Variants in JAKMIP1 observed in about 807,000 individuals in gnomAD.
JAKMIP1 encodes janus kinase and microtubule interacting protein 1.
Under a neutral mutation model 113.0 loss-of-function variants are expected in JAKMIP1, and 33 were observed. The ratio of observed to expected loss-of-function variants is 0.29; its 90% CI spans 0.22 to 0.39. The LOEUF (loss-of-function observed/expected upper bound fraction) is 0.39. Among genes scored for constraint, JAKMIP1 ranks in the 10% least tolerant of loss-of-function variants. JAKMIP1 has a pLI of 1.00. For missense variants in JAKMIP1, 813 were observed against 1,080.5 expected, an observed-to-expected ratio of 0.75 and a Z score of 3.47; for synonymous variants, 480 against 459.9, an observed-to-expected ratio of 1.04 and a Z score of -0.56.
At chr4:6,079,118 C>G in intron 7 of JAKMIP1, 120 bp from the exon 8 acceptor site, 1 of 951,972 alleles carries the variant, frequency 1.1e-6, no homozygotes. Flanking sequence ...AGTTGAAGTT[C>G]TAAGTGCCCA....
At position 6,131,173 on chromosome 4, in the gene JAKMIP1, A is replaced by AAAAAAAAAAAAAAAAAAAG. The variant is rs71173409; in HGVS notation, c.-147-18177_-147-18176insCTTTTTTTTTTTTTTTTTT. On this transcript the variant is annotated intron_variant, in intron 1 of 20. Coordinates refer to ENST00000409021, the MANE Select transcript of JAKMIP1 (RefSeq NM_001099433.2). The stretch of plus-strand genomic sequence containing the variant: ...TAAGACCTTGCCTCCAAAAAAAAAA[A>AAAAAAAAAAAAAAAAAAAG]AATATCCCAGGACTATAAGACAACT... Among the ~76,000 whole-genome samples, 12 of 95,490 alleles carry AAAAAAAAAAAAAAAAAAAG rather than the reference A, an allele frequency of 1.3e-4. 1 individual carries two copies. The highest frequency in any genetic ancestry group is 3.6e-4 in the East Asian group (1 of 2,754). The allele number at this position is 95,490 out of a possible 152,430, so 62.6% of individuals were successfully genotyped here.
At chr4:6,062,269 G>T in intron 10 of JAKMIP1, 43 bp downstream of exon 10, 1 of 1,608,190 alleles carries the variant, frequency 6.2e-7, no homozygotes, top group Non-Finnish European at 8.5e-7. Flanking sequence ...ACATGACCTG[G>T]CCTTCGGCCC....
intron 5 of JAKMIP1, among the ~76,000 whole-genome samples, chr4:6,082,240 C>T (rs1274932394): frequency 6.6e-6 from 1 of 151,912 alleles, no homozygotes; most frequent in South Asian, 2.1e-4. Flanking sequence ...AAGATTCAAA[C>T]ACAAGGGACT....
chr4:6,105,404 C>T (rs764281612), intron 3 of JAKMIP1, 69 bp downstream of exon 3: 11 of 1,444,312 alleles, frequency 7.6e-6, no homozygotes, highest in East Asian at 2.3e-5. Flanking sequence ...CTCGGAGCTC[C>T]GCATTTCCCC....
Position 6,154,583 on chromosome 4 carries a change from C to A in JAKMIP1, c.-147-41586G>T, listed in dbSNP as rs1169206183. Among the ~76,000 whole-genome samples, 1 of 152,054 alleles carries A rather than the reference C, an allele frequency of 6.6e-6. No individual in the cohort carries two copies. Among genetic ancestry groups the A allele is most frequent in the Non-Finnish European group, 1.5e-5 (1 of 68,002 alleles). ...AAAGGCAATACCGAAAAGGCAGACA[C>A]CAAGAAACTTAGCAAGGCTTCCAAG... On this transcript the variant is annotated intron_variant, in intron 1 of 20. Transcript: ENST00000409021. This position sits in a 1 kb window ranked among gnomAD's most constrained non-coding sequence, Gnocchi z 4.2.
intron 8 of JAKMIP1, among the ~76,000 whole-genome samples, chr4:6,075,066 G>C (rs181042012): frequency 3.9e-5 from 6 of 152,212 alleles, no homozygotes; most frequent in African/African-American, 1.2e-4. Flanking sequence ...GTATTGTTTA[G>C]TGAATAATGA....
chr4:6,197,007 T>G lies in JAKMIP1; in HGVS notation c.-148+3246A>C, dbSNP rs1033200666. Among the ~76,000 whole-genome samples the G allele has an allele frequency of 2.0e-5, 3 of 152,044 alleles. No individual in the cohort carries two copies. Among genetic ancestry groups the G allele is most frequent in the African/African-American group, 7.2e-5 (3 of 41,394 alleles). Reference sequence around the variant, plus strand: ...GGAGTCAGGGAGCCCCACTTCTGAGTCCCCCAGTGTCCTGAGACTTGGCTC... The same window carrying G: ...GGAGTCAGGGAGCCCCACTTCTGAGGCCCCCAGTGTCCTGAGACTTGGCTC... On this transcript the variant is annotated intron_variant, in intron 1 of 20. Coordinates refer to ENST00000409021, the MANE Select transcript of JAKMIP1 (RefSeq NM_001099433.2). This position sits in a 1 kb window ranked among gnomAD's most constrained non-coding sequence, Gnocchi z 6.5.
Position 6,102,780 on chromosome 4 carries a change from C to A in JAKMIP1, c.624+2693G>T, listed in dbSNP as rs569294412. Among the ~76,000 whole-genome samples the A allele has an allele frequency of 5.0e-3, 566 of 113,676 alleles. 1 individual carries two copies. The highest frequency in any genetic ancestry group is 0.018 in the African/African-American group (526 of 29,480). 74.6% of individuals were successfully genotyped at this position (113,676 alleles called of 152,430 possible). ...AGGGAGTCTCACTCTGTCGCCCAGG[C>A]TGGAGTGCAGTGGCGCGATCTCAGC... On this transcript the variant is annotated intron_variant, in intron 3 of 20. Transcript: ENST00000409021.
intron 18 of JAKMIP1, among the ~76,000 whole-genome samples, chr4:6,039,468 G>A (rs988115636): frequency 6.6e-6 from 1 of 152,068 alleles, no homozygotes; most frequent in African/African-American, 2.4e-5. Flanking sequence ...ATTCCTTGGA[G>A]TTTTTTTGGA....
rs79239911 is a variant in JAKMIP1 at position 6,064,713 on chromosome 4, C to T, written c.1431+167G>A. Among the ~76,000 whole-genome samples, 2 of 151,994 alleles carry T rather than the reference C, an allele frequency of 1.3e-5. No individual in the cohort carries two copies. The highest frequency in any genetic ancestry group is 4.8e-5 in the African/African-American group (2 of 41,340). On this transcript the variant is annotated intron_variant, in intron 9 of 20. Transcript: ENST00000409021. This position sits in a 1 kb window ranked among gnomAD's most constrained non-coding sequence, Gnocchi z 4.3. ...ATTCATGGAGCCCACAGCTGTGGGG[C>T]CCGCCTTCCCTTCACACCATTGGCT...
intron 3 of JAKMIP1, among the ~76,000 whole-genome samples, chr4:6,102,234 T>C (rs1265703911): frequency 6.6e-6 from 1 of 152,248 alleles, no homozygotes; most frequent in Admixed American, 6.5e-5. Flanking sequence ...ACCTTGTATA[T>C]GTAGACTTTG....
Position 6,140,946 on chromosome 4 carries a change from A to C in JAKMIP1, c.-147-27949T>G, listed in dbSNP as rs565727569. Among the ~76,000 whole-genome samples the C allele has an allele frequency of 2.9e-3, 442 of 152,270 alleles. 4 individuals are homozygous for C. The highest frequency in any genetic ancestry group is 0.01 in the African/African-American group (419 of 41,514). On this transcript the variant is annotated intron_variant, in intron 1 of 20. Transcript: ENST00000409021. The surrounding 1 kb of genome is among the most constrained non-coding windows in gnomAD (Gnocchi z 9.4). ...TTTACAAAATCAGAAGCTGAGGTCC[A>C]AAGAGGGAAAATCACTTGCCTAAGA...
intron 8 of JAKMIP1, among the ~76,000 whole-genome samples, chr4:6,071,352 G>A (rs180824686): frequency 6.6e-6 from 1 of 152,276 alleles, no homozygotes; most frequent in Non-Finnish European, 1.5e-5. Context: ...ACTTGAGACA[G>A]AGGGGCCTGG....
chr4:6,063,080 T>TGCAG (rs1717542831), intron 9 of JAKMIP1, among the ~76,000 whole-genome samples: 1 of 151,614 alleles, frequency 6.6e-6, no homozygotes, highest in Non-Finnish European at 1.5e-5. Flanking sequence ...AGGTGGAGGT[T>TGCAG]GCAGTAAGCC....
chr4:6,041,692 C>A (rs77356691), intron 17 of JAKMIP1, among the ~76,000 whole-genome samples: 2,484 of 152,348 alleles, frequency 0.016, 65 homozygotes, highest in African/African-American at 0.056. Context: ...ATTTCCCATT[C>A]ATCAATGAGA....
intron 1 of JAKMIP1, among the ~76,000 whole-genome samples, chr4:6,119,065 C>T (rs1716303716): frequency 6.6e-6 from 1 of 152,168 alleles, no homozygotes; most frequent in South Asian, 2.1e-4. Context: ...GGACAGCCGA[C>T]AGCCACCCAA....
At position 6,081,734 on chromosome 4, in the gene JAKMIP1, C is replaced by T. The variant is rs1720576552; in HGVS notation, c.976G>A (p.Glu326Lys). The change falls in exon 6 of 21, where the codon GAG becomes AAG. Residue 326 changes from glutamate to lysine, a missense_variant. By Grantham distance (56) the Glu-to-Lys change is moderately conservative. Transcript: ENST00000409021. This position sits in a 1 kb window ranked among gnomAD's most constrained non-coding sequence, Gnocchi z 4.6. ...NELLKRSRETEVQLKPLVEKN... is the reference protein window; with the variant it reads ...NELLKRSRETKVQLKPLVEKN... ...TCCACCAGGGGCTTCAGCTGAACCT[C>T]GGTCTCTCGTGAGCGTTTCAGCTGT... 9.9e-6 allele frequency: 16 copies of T among 1,614,202 alleles called. No homozygotes were observed. Among genetic ancestry groups the T allele is most frequent in the East Asian group, 2.2e-5 (1 of 44,884 alleles).
rs917448563 is a variant in JAKMIP1, at chr4:6,179,992, C to T, written c.-148+20261G>A. 3.3e-5 allele frequency among the ~76,000 whole-genome samples: 5 copies of T among 152,192 alleles called. No individual in the cohort carries two copies. Among genetic ancestry groups the T allele is most frequent in the Non-Finnish European group, 7.3e-5 (5 of 68,036 alleles). On this transcript the variant is annotated intron_variant, in intron 1 of 20. Transcript: ENST00000409021. This position sits in a 1 kb window ranked among gnomAD's most constrained non-coding sequence, Gnocchi z 4.5. ...TGTTTTCTATCCCTAGGACCAGCAG[C>T]ATGCCTGACATCCTCTTAGAAGCCA...
intron 2 of JAKMIP1, among the ~76,000 whole-genome samples, chr4:6,107,748 C>T (rs1714199542): frequency 6.7e-6 from 1 of 149,418 alleles, no homozygotes; most frequent in Non-Finnish European, 1.5e-5. Context: ...ACCTCTCACT[C>T]TGTGGGGGGT....
Sources: gnomAD v4.1 joint callset for allele counts (sites outside exome capture counted in the v4.1 genomes callset) on GRCh38, gnomAD v4.1.1 for gene constraint, Gnocchi (gnomAD v3.1) non-coding constraint, MANE v1.5 for transcripts, NCBI Gene and HGNC (gene_info 2026-07-23, HGNC 2026-07-21) for gene names.